The following GALNT13 variants were observed in gnomAD, a reference collection of about 807,000 sequenced individuals.
GALNT13 encodes the protein UDP-GalNAc:polypeptide N-acetylgalactosaminyltransferase 13.
GALNT13 carries 28 observed loss-of-function variants against 64.2 expected under a neutral mutation model. The observed-to-expected ratio is 0.44, with a 90% CI of 0.32 to 0.60. The LOEUF (loss-of-function observed/expected upper bound fraction) is 0.60, where lower values mean the gene tolerates loss of function less well. Ranked by LOEUF, GALNT13 falls within the 20% of genes least tolerant of loss-of-function variation. The pLI, the probability that GALNT13 is intolerant of heterozygous loss-of-function variation, is 0.05. For synonymous variants in GALNT13, 214 were observed against 224.6 expected (o/e 0.95, Z 0.42); for missense variants, 577 against 669.8 (o/e 0.86, Z 1.53).
intron 10 of GALNT13, 102 bp downstream of exon 10, chr2:154,396,232 T>C: frequency 1.5e-6 from 1 of 651,762 alleles, no homozygotes; most frequent in African/African-American, 1.9e-5. Context: ...CTGTAAGGGA[T>C]TTTTAATTAG....
chr2:154,344,700 C>A (rs966563365), intron 9 of GALNT13, among the ~76,000 whole-genome samples: 3 of 151,942 alleles, frequency 2.0e-5, no homozygotes, highest in Non-Finnish European at 4.4e-5. Flanking sequence ...AATACTACCA[C>A]CCCCACAACC....
the GALNT13 span, among the ~76,000 whole-genome samples, chr2:153,379,129 T>C: frequency 6.6e-6 from 1 of 152,306 alleles, no homozygotes; most frequent in Non-Finnish European, 1.5e-5. Context: ...TTAGATGTGA[T>C]TATGCACTAA....
chr2:154,129,593 T>C (rs1370929877), intron 3 of GALNT13, among the ~76,000 whole-genome samples: 1 of 152,106 alleles, frequency 6.6e-6, no homozygotes, highest in African/African-American at 2.4e-5. Flanking sequence ...TTCACTGAAG[T>C]GGGAAAAATG....
intron 2 of GALNT13, among the ~76,000 whole-genome samples, chr2:153,907,832 A>G (rs1223232893): frequency 6.6e-6 from 1 of 152,006 alleles, no homozygotes; most frequent in Non-Finnish European, 1.5e-5. Context: ...GGTTGATTCC[A>G]TATCTTTGTC....
At chr2:153,229,821 A>G in the GALNT13 span, among the ~76,000 whole-genome samples, 2 of 152,196 alleles carry the variant, frequency 1.3e-5, no homozygotes, top group African/African-American at 2.4e-5. Context: ...CAACAGAGAA[A>G]AGCACTGTAG....
At chr2:153,398,428 G>T in the GALNT13 span, among the ~76,000 whole-genome samples, 1 of 151,982 alleles carries the variant, frequency 6.6e-6, no homozygotes, top group East Asian at 1.9e-4. Flanking sequence ...AGTCCTTTGG[G>T]TACATACCCA....
At chr2:154,033,962 CA>C (rs958163352) in intron 3 of GALNT13, among the ~76,000 whole-genome samples, 2 of 151,636 alleles carry the variant, frequency 1.3e-5, no homozygotes, top group Non-Finnish European at 2.9e-5. Flanking sequence ...AACAAACAAA[CA>C]AAAAAAACCC....
intron 3 of GALNT13, among the ~76,000 whole-genome samples, chr2:153,981,014 T>G (rs1233058169): frequency 6.6e-6 from 1 of 152,174 alleles, no homozygotes; most frequent in African/African-American, 2.4e-5. Flanking sequence ...AATATCTTTA[T>G]TCACGAATGG....
Position 154,218,898 on chromosome 2 carries a change from T to A in GALNT13, c.312-23132T>A, listed in dbSNP as rs565516380. ...CTTCAAAGTCAAACATTTTATCTTT[T>A]GTATGACATATTGTCTTGCATCTAA... On this transcript the variant is annotated intron_variant, in intron 4 of 12. Coordinates refer to ENST00000392825, the MANE Select transcript of GALNT13 (RefSeq NM_052917.4). Among the ~76,000 whole-genome samples the A allele has an allele frequency of 2.6e-5, 4 of 152,200 alleles. No individual in the cohort carries two copies. In the South Asian group the frequency reaches 8.3e-4, roughly 31 times the overall value.
chr2:153,918,756 C>A (rs1689560789), intron 2 of GALNT13, among the ~76,000 whole-genome samples: 1 of 152,068 alleles, frequency 6.6e-6, no homozygotes, highest in South Asian at 2.1e-4. Flanking sequence ...TTCCTCTTGG[C>A]ATTAAACATG....
chr2:153,635,958 G>A, the GALNT13 span, among the ~76,000 whole-genome samples: 1 of 152,100 alleles, frequency 6.6e-6, no homozygotes, highest in Non-Finnish European at 1.5e-5. Flanking sequence ...TTAAATAGAA[G>A]CTAAATGTGT....
intron 4 of GALNT13, among the ~76,000 whole-genome samples, chr2:154,194,948 G>T (rs1686799878): frequency 6.6e-6 from 1 of 150,450 alleles, no homozygotes; most frequent in East Asian, 2.0e-4. Context: ...ATGGTGGTTT[G>T]CTGCACCCAT....
chr2:153,810,527 A>C, the GALNT13 span, among the ~76,000 whole-genome samples: 2 of 152,242 alleles, frequency 1.3e-5, no homozygotes, highest in East Asian at 3.9e-4. Flanking sequence ...TTGCTTATAC[A>C]TTTGTTATTT....
At chr2:153,372,570 AG>A in the GALNT13 span, among the ~76,000 whole-genome samples, 2 of 151,362 alleles carry the variant, frequency 1.3e-5, no homozygotes, top group South Asian at 4.2e-4. Flanking sequence ...CACTTGAACC[AG>A]GGGGGCAGAG....
chr2:153,156,795 A>G, the GALNT13 span, among the ~76,000 whole-genome samples: 2 of 152,148 alleles, frequency 1.3e-5, no homozygotes, highest in South Asian at 4.1e-4. Context: ...TGAGGATTTA[A>G]AGAGCTTTTT....
intron 3 of GALNT13, among the ~76,000 whole-genome samples, chr2:154,028,982 G>C (rs1479770234): frequency 1.3e-5 from 2 of 151,916 alleles, no homozygotes; most frequent in Non-Finnish European, 2.9e-5. Context: ...TGTTTTCCTG[G>C]AGCAGATACT....
the GALNT13 span, among the ~76,000 whole-genome samples, chr2:153,099,446 A>G: frequency 6.6e-6 from 1 of 152,178 alleles, no homozygotes; most frequent in Non-Finnish European, 1.5e-5. Context: ...AAAGTACAAT[A>G]TTGATATATT....
At chr2:153,292,813 A>T in the GALNT13 span, among the ~76,000 whole-genome samples, 3 of 152,314 alleles carry the variant, frequency 2.0e-5, no homozygotes, top group South Asian at 6.2e-4. Flanking sequence ...CCATAACCCC[A>T]CCATCAAAAG....
At chr2:153,380,431 A>G in the GALNT13 span, among the ~76,000 whole-genome samples, 1 of 152,088 alleles carries the variant, frequency 6.6e-6, no homozygotes, top group Non-Finnish European at 1.5e-5. Flanking sequence ...ATGAATGCAC[A>G]ACTGCCCTCC....
Sources: allele counts gnomAD v4.1 joint callset (sites outside exome capture counted in the v4.1 genomes callset), GRCh38; gene constraint gnomAD v4.1.1; transcripts MANE v1.5; gene names NCBI Gene and HGNC (gene_info 2026-07-23, HGNC 2026-07-21).